TCAIM: variants seen among roughly 807,000 people sequenced by gnomAD.
TCAIM encodes the protein T cell activation inhibitor, mitochondrial.
In TCAIM, 36 loss-of-function variants were observed where a neutral mutation model predicts 58.6. The observed-to-expected ratio is 0.61, with a 90% CI of 0.47 to 0.81. The LOEUF is 0.81. Among genes scored for constraint, TCAIM ranks in the 30% least tolerant of loss-of-function variants. The pLI is 0.00. For synonymous variants in TCAIM, 172 were observed against 193.6 expected (o/e 0.89, Z 0.93); for missense variants, 466 against 579.6 (o/e 0.80, Z 2.01).
chr3:44,379,751 G>C (rs540092315), intron 5 of TCAIM, among the ~76,000 whole-genome samples: 1 of 152,122 alleles, frequency 6.6e-6, no homozygotes, highest in African/African-American at 2.4e-5. Flanking sequence ...GGGGAAGGGT[G>C]TTTCTAACTA....
chr3:44,338,241 C>A (rs1374081153), upstream of TCAIM: 1 of 152,420 alleles, frequency 6.6e-6, no homozygotes, highest in Admixed American at 6.5e-5. Flanking sequence ...TTTTCCGAGT[C>A]CCTCCGGCCT....
chr3:44,398,892 A>T (rs1239704628), intron 8 of TCAIM, among the ~76,000 whole-genome samples: 1 of 152,200 alleles, frequency 6.6e-6, no homozygotes, highest in Non-Finnish European at 1.5e-5. Flanking sequence ...TCTTAAGGGC[A>T]TTGTGCTGAG....
intron 8 of TCAIM, among the ~76,000 whole-genome samples, chr3:44,399,835 G>A (rs1278861936): frequency 6.6e-6 from 1 of 152,120 alleles, no homozygotes; most frequent in Non-Finnish European, 1.5e-5. Context: ...TACCCCAACT[G>A]TGAGTCCCAG....
upstream of TCAIM, chr3:44,338,163 G>C (rs942470665): frequency 6.6e-6 from 1 of 152,504 alleles, no homozygotes; most frequent in Non-Finnish European, 1.5e-5. Context: ...GATCCAGCGC[G>C]TGCTCGGTTG....
intron 6 of TCAIM, among the ~76,000 whole-genome samples, 167 bp downstream of exon 6, chr3:44,393,144 T>G (rs1230215284): frequency 6.6e-6 from 1 of 152,228 alleles, no homozygotes; most frequent in Non-Finnish European, 1.5e-5. Flanking sequence ...AAGAAAACTC[T>G]TATTAATTTC....
intron 5 of TCAIM, among the ~76,000 whole-genome samples, chr3:44,378,932 G>A (rs554195823): frequency 6.6e-5 from 10 of 152,200 alleles, no homozygotes; most frequent in Admixed American, 1.3e-4. Context: ...GCCAAAGTGG[G>A]GAGATTGCTT....
At chr3:44,379,524 A>G (rs1335718252) in intron 5 of TCAIM, among the ~76,000 whole-genome samples, 1 of 152,202 alleles carries the variant, frequency 6.6e-6, no homozygotes, top group Non-Finnish European at 1.5e-5. Flanking sequence ...CATATACCTA[A>G]TGGAATACTA....
chr3:44,407,426 A>G lies in TCAIM; in HGVS notation c.1251-16A>G, dbSNP rs1320473740. The G allele has an allele frequency of 7.2e-7, 1 of 1,390,748 alleles. No individual in the cohort carries two copies. The highest frequency in any genetic ancestry group is 1.5e-5 in the African/African-American group (1 of 67,758). The allele number at this position is 1,390,748 out of a possible 1,614,324, so 86.2% of individuals were successfully genotyped here. A position where few individuals can be genotyped will look rare whatever the true frequency, so the allele number is the denominator to read the frequency against. ...TATTTGTTCTTATGACAATATTTTT[A>G]TTTTCTATATAATAGGTTAAAGGTT... On this transcript the variant is annotated splice_polypyrimidine_tract_variant and intron_variant, in intron 10 of 10. Transcript: ENST00000342649.
At position 44,346,436 on chromosome 3, in the gene TCAIM, A is replaced by G. The variant is rs142513189; in HGVS notation, c.-45+7602A>G. Among the ~76,000 whole-genome samples, 1,412 of 152,152 alleles carry G rather than the reference A, an allele frequency of 9.3e-3. 10 individuals are homozygous for G. Among genetic ancestry groups the G allele is most frequent in the Middle Eastern group, 0.02 (6 of 294 alleles). ...GACCAAGAGGTATTTTAGTTTCCTG[A>G]CTCGGGGCATGTGAGTAAGTCAGTT... On this transcript the variant is annotated intron_variant, in intron 1 of 10. Transcript: ENST00000342649.
At chr3:44,373,549 G>T (rs1247776654) in intron 5 of TCAIM, among the ~76,000 whole-genome samples, 1 of 151,952 alleles carries the variant, frequency 6.6e-6, no homozygotes, top group Non-Finnish European at 1.5e-5. Context: ...AGCTACTTGG[G>T]TGACTGAGGC....
At chr3:44,367,419 A>G (rs1463637758) in intron 4 of TCAIM, 37 bp from the exon 5 acceptor site, 4 of 1,548,644 alleles carry the variant, frequency 2.6e-6, no homozygotes, top group African/African-American at 2.7e-5. Flanking sequence ...GCAAATAATC[A>G]TCTGTATTAA....
At chr3:44,342,190 A>G (rs1249697110) in intron 1 of TCAIM, among the ~76,000 whole-genome samples, 3 of 152,210 alleles carry the variant, frequency 2.0e-5, no homozygotes, top group East Asian at 3.9e-4. Flanking sequence ...TGTCTAGCAG[A>G]TTAGCATTGT....
intron 5 of TCAIM, among the ~76,000 whole-genome samples, chr3:44,377,466 C>T (rs1015932720): frequency 6.6e-6 from 1 of 152,066 alleles, no homozygotes; most frequent in African/African-American, 2.4e-5. Context: ...TATAGAAGAA[C>T]CAAACAAGAA....
At chr3:44,369,726 A>G (rs1010126987) in intron 5 of TCAIM, among the ~76,000 whole-genome samples, 4 of 152,218 alleles carry the variant, frequency 2.6e-5, no homozygotes, top group Non-Finnish European at 5.9e-5. Context: ...ACATTCGACT[A>G]TATGAGTTCT....
intron 1 of TCAIM, 107 bp from the exon 2 acceptor site, chr3:44,354,632 A>G: frequency 2.9e-6 from 2 of 699,796 alleles, no homozygotes; most frequent in Non-Finnish European, 4.6e-6. Flanking sequence ...ATATTTTATA[A>G]GATTAATAAC....
At chr3:44,346,703 G>A (rs1221576900) in intron 1 of TCAIM, among the ~76,000 whole-genome samples, 2 of 152,152 alleles carry the variant, frequency 1.3e-5, no homozygotes, top group Admixed American at 6.5e-5. Context: ...GATTTTGAGG[G>A]CCTCTAAAAG....
At chr3:44,382,808 A>G (rs188118045) in intron 5 of TCAIM, among the ~76,000 whole-genome samples, 15 of 152,324 alleles carry the variant, frequency 9.8e-5, no homozygotes, top group Admixed American at 3.9e-4. Context: ...ATGGCAACCC[A>G]CAAAATGAGA....
At chr3:44,392,464 A>C (rs553384811) in intron 5 of TCAIM, among the ~76,000 whole-genome samples, 9 of 152,218 alleles carry the variant, frequency 5.9e-5, no homozygotes, top group African/African-American at 2.2e-4. Context: ...GTTTTTACTG[A>C]TCCTCTTCCT....
At chr3:44,375,751 A>G (rs1701555436) in intron 5 of TCAIM, among the ~76,000 whole-genome samples, 1 of 152,214 alleles carries the variant, frequency 6.6e-6, no homozygotes, top group Non-Finnish European at 1.5e-5. Flanking sequence ...TCCATATAAA[A>G]TGGTGCAGCT....
Sources: allele counts gnomAD v4.1 joint callset (sites outside exome capture counted in the v4.1 genomes callset), GRCh38; gene constraint gnomAD v4.1.1; transcripts MANE v1.5; gene names NCBI Gene and HGNC (gene_info 2026-07-23, HGNC 2026-07-21).